Variants in GRIP1 observed in about 807,000 individuals in gnomAD.
GRIP1 encodes glutamate receptor interacting protein 1.
In GRIP1, 45 loss-of-function variants were observed where a neutral mutation model predicts 129.9. The ratio of observed to expected loss-of-function variants is 0.35; its 90% CI spans 0.27 to 0.44. GRIP1 has a LOEUF of 0.44. GRIP1 is among the 20% of genes least tolerant of loss of function. GRIP1 has a pLI of 1.00. For synonymous variants in GRIP1, 530 were observed against 520.8 expected (o/e 1.02, Z -0.24); for missense variants, 1,196 against 1,396.8 (o/e 0.86, Z 2.29).
At position 66,950,954 on chromosome 12, in the gene GRIP1, C is replaced by CAAATGTTAT. The variant is rs373510436; in HGVS notation, c.58+118095_58+118096insATAACATTT. ...CAGCTCAAATCTGCCATCTGGAAGACAAATCTGCAAATGTTTTAGTATTTT... is the reference window on the plus strand; with the variant it reads ...CAGCTCAAATCTGCCATCTGGAAGACAAATGTTATAAATCTGCAAATGTTTTAGTATTTT... On this transcript the variant is annotated intron_variant, in intron 1 of 1. Coordinates refer to the GRIP1 transcript ENST00000643019. Among the ~76,000 whole-genome samples, 574 of 152,290 alleles carry CAAATGTTAT rather than the reference C, an allele frequency of 3.8e-3. 5 individuals carry two copies. Among genetic ancestry groups the CAAATGTTAT allele is most frequent in the African/African-American group, 0.013 (556 of 41,564 alleles).
At chr12:66,662,169 AT>A (rs902686824) in intron 1 of GRIP1, among the ~76,000 whole-genome samples, 1 of 152,114 alleles carries the variant, frequency 6.6e-6, no homozygotes, top group Non-Finnish European at 1.5e-5. Flanking sequence ...AAAGACCGAG[AT>A]TTACTCCATT....
At chr12:66,684,325 A>AT (rs1300290135) in intron 1 of GRIP1, among the ~76,000 whole-genome samples, 1 of 152,158 alleles carries the variant, frequency 6.6e-6, no homozygotes, top group Non-Finnish European at 1.5e-5. Context: ...ATTTTCTGTC[A>AT]TTACAATGGC....
chr12:66,849,504 A>G (rs998967097), intron 1 of GRIP1, among the ~76,000 whole-genome samples: 3 of 152,024 alleles, frequency 2.0e-5, no homozygotes, highest in African/African-American at 7.2e-5. Flanking sequence ...AATCCAACCT[A>G]CTCGAGAAAC....
chr12:66,703,194 T>C (rs1475609332), intron 1 of GRIP1, among the ~76,000 whole-genome samples: 1 of 152,126 alleles, frequency 6.6e-6, no homozygotes, highest in African/African-American at 2.4e-5. Flanking sequence ...GAATGTGATC[T>C]ACTAAGGCTT....
intron 1 of GRIP1, among the ~76,000 whole-genome samples, chr12:66,618,400 A>G (rs1240942506): frequency 2.6e-5 from 4 of 152,146 alleles, no homozygotes; most frequent in Admixed American, 2.0e-4. Flanking sequence ...CATTTTGTGT[A>G]CGAAGTAGAA....
intron 5 of GRIP1, among the ~76,000 whole-genome samples, chr12:66,525,298 C>T (rs1232389991): frequency 5.9e-5 from 9 of 152,206 alleles, no homozygotes; most frequent in South Asian, 4.2e-4. Context: ...ACTGGCAAAC[C>T]AAATCCAGCA....
rs1344465841 is a variant in GRIP1, at chr12:66,914,205, T to TAA, written c.58+154843_58+154844dup. Among the ~76,000 whole-genome samples the TAA allele has an allele frequency of 2.6e-5, 4 of 152,310 alleles. No homozygotes were observed. The South Asian group carries it at 6.2e-4, about 24-fold the overall frequency. ...TGTTTTTAATTTGACCTAAGATATC[T>TAA]AACTCAAAATGGGGGGTAGGCACAT... On this transcript the variant is annotated intron_variant, in intron 1 of 1. Transcript: ENST00000643019.
intron 1 of GRIP1, among the ~76,000 whole-genome samples, chr12:67,050,867 A>C (rs893688715): frequency 1.3e-5 from 2 of 152,178 alleles, no homozygotes; most frequent in Non-Finnish European, 2.9e-5. Context: ...ACACTGAGGA[A>C]TTCTGCAGGT....
intron 1 of GRIP1, among the ~76,000 whole-genome samples, chr12:66,665,158 C>T (rs779016417): frequency 2.0e-5 from 3 of 152,070 alleles, no homozygotes; most frequent in African/African-American, 4.8e-5. Flanking sequence ...CTGGCATGCA[C>T]CACCACATCT....
rs2054328445 is a variant in GRIP1, at chr12:66,353,390, G to A, written c.3159+27C>T. On this transcript the variant is annotated intron_variant, in intron 24 of 24. Transcript: ENST00000359742. ...CTCCCAGTGAGAAATTACTTGCAAGGAATTAAAATTCCACCTGAGGTCTTA... is the reference window on the plus strand; with the variant it reads ...CTCCCAGTGAGAAATTACTTGCAAGAAATTAAAATTCCACCTGAGGTCTTA... The A allele has an allele frequency of 1.9e-6, 3 of 1,545,702 alleles. No individual in the cohort carries two copies. The South Asian group carries it at 3.3e-5, about 17-fold the overall frequency.
chr12:66,767,960 A>G (rs762522750), intron 1 of GRIP1, among the ~76,000 whole-genome samples: 15 of 152,222 alleles, frequency 9.9e-5, no homozygotes, highest in Non-Finnish European at 1.8e-4. Context: ...TTAAGAATCA[A>G]CGCAATTCCT....
At chr12:67,008,586 T>TC (rs1346342733) in intron 1 of GRIP1, among the ~76,000 whole-genome samples, 3 of 152,166 alleles carry the variant, frequency 2.0e-5, no homozygotes, top group African/African-American at 7.2e-5. Flanking sequence ...GGATCTGAAC[T>TC]CCATCAACAC....
At chr12:66,600,739 A>G (rs2064239609) in intron 1 of GRIP1, among the ~76,000 whole-genome samples, 1 of 152,234 alleles carries the variant, frequency 6.6e-6, no homozygotes, top group African/African-American at 2.4e-5. Context: ...TCTTTAAACA[A>G]AAGAATTATG....
intron 11 of GRIP1, among the ~76,000 whole-genome samples, chr12:66,450,300 T>C (rs1457571025): frequency 2.4e-5 from 1 of 41,498 alleles, no homozygotes; most frequent in African/African-American, 1.1e-4. Context: ...TGAGACTCCA[T>C]CTCAAAAAAA....
chr12:66,642,997 C>T (rs781319939), intron 1 of GRIP1, among the ~76,000 whole-genome samples: 5 of 152,022 alleles, frequency 3.3e-5, no homozygotes, highest in Non-Finnish European at 5.9e-5. Flanking sequence ...TTTAAATACG[C>T]AAAACAAAGT....
At chr12:66,690,719 A>AT (rs1397583145) in intron 1 of GRIP1, among the ~76,000 whole-genome samples, 9 of 148,700 alleles carry the variant, frequency 6.1e-5, no homozygotes, top group Admixed American at 2.6e-4. Context: ...TTAAAAAAAA[A>AT]TTTTTTCAAA....
At chr12:66,756,113 G>A (rs1450918391) in intron 1 of GRIP1, among the ~76,000 whole-genome samples, 1 of 152,084 alleles carries the variant, frequency 6.6e-6, no homozygotes, top group Non-Finnish European at 1.5e-5. Flanking sequence ...TATTTACATT[G>A]TTGGGCAACA....
At chr12:66,472,295 A>G (rs937263503) in intron 7 of GRIP1, among the ~76,000 whole-genome samples, 3 of 152,288 alleles carry the variant, frequency 2.0e-5, no homozygotes, top group East Asian at 3.9e-4. Context: ...AAAGATGGAC[A>G]TTTACTATTC....
chr12:66,717,066 T>A (rs1238024459), intron 1 of GRIP1, among the ~76,000 whole-genome samples: 1 of 152,100 alleles, frequency 6.6e-6, no homozygotes, highest in Non-Finnish European at 1.5e-5. Flanking sequence ...GCAGGAGTGA[T>A]CTTTAGAAAC....
Sources: allele counts gnomAD v4.1 joint callset (sites outside exome capture counted in the v4.1 genomes callset), GRCh38; gene constraint gnomAD v4.1.1; transcripts MANE v1.5; gene names NCBI Gene and HGNC (gene_info 2026-07-23, HGNC 2026-07-21).